Variants in FGF17 observed in about 807,000 individuals in gnomAD.
The protein encoded by FGF17 is fibroblast growth factor 17.
In FGF17, 5 loss-of-function variants were observed where a neutral mutation model predicts 23.5. The observed-to-expected ratio is 0.21, with a 90% confidence interval of 0.11 to 0.45. The LOEUF is 0.45. Among genes scored for constraint, FGF17 ranks in the 20% least tolerant of loss-of-function variants. FGF17 has a pLI of 0.99. For synonymous variants in FGF17, 136 were observed against 123.0 expected (o/e 1.11, Z -0.70); for missense variants, 221 against 306.9 (o/e 0.72, Z 2.09).
rs920799068 is a variant in FGF17 at position 22,048,259 on chromosome 8, C to T, written c.*10C>T. ...CCAGCCCCTCACGTAGTCTGGGAGG[C>T]AGGGGGCAGCAGCCCCTGGGCCGCC... On this transcript the variant is annotated 3_prime_UTR_variant, in exon 5 of 5. Coordinates refer to ENST00000359441, the MANE Select transcript of FGF17 (RefSeq NM_003867.4). This position sits in a 1 kb window ranked among gnomAD's most constrained non-coding sequence, Gnocchi z 6.9. 3 of 1,582,978 alleles carry T rather than the reference C, an allele frequency of 1.9e-6. No individual in the cohort carries two copies. The highest frequency in any genetic ancestry group is 1.3e-5 in the African/African-American group (1 of 74,340).
chr8:22,046,514 T>TC lies in FGF17; in HGVS notation c.251-8dup. The TC allele has an allele frequency of 1.9e-6, 3 of 1,603,904 alleles. No homozygotes were observed. Among genetic ancestry groups the TC allele is most frequent in the Non-Finnish European group, 2.6e-6 (3 of 1,172,548 alleles). On this transcript the variant is annotated splice_polypyrimidine_tract_variant and intron_variant, in intron 3 of 4. Coordinates refer to ENST00000359441, the MANE Select transcript of FGF17 (RefSeq NM_003867.4). Reference sequence around the variant, plus strand: ...CCGATGGACGGAGGTCTTTCTCCCCTCCCCCACCACAGCCAAGCTCATAGT... The same window carrying TC: ...CCGATGGACGGAGGTCTTTCTCCCCTCCCCCCACCACAGCCAAGCTCATAGT...
chr8:22,041,368 C>T (rs550380162), upstream of FGF17, among the ~76,000 whole-genome samples: 3 of 152,228 alleles, frequency 2.0e-5, no homozygotes, highest in South Asian at 2.1e-4. Context: ...GTGAGAGTTT[C>T]GCTCCCCTGG....
intron 2 of FGF17, chr8:22,045,432 C>T (rs894485628): frequency 1.2e-4 from 115 of 990,372 alleles, no homozygotes; most frequent in Non-Finnish European, 1.3e-4. Context: ...CCAGCTCCAG[C>T]CCATAGAGGA....
At chr8:22,044,002 G>A (rs890729654) in intron 2 of FGF17, among the ~76,000 whole-genome samples, 1 of 151,906 alleles carries the variant, frequency 6.6e-6, no homozygotes, top group Admixed American at 6.6e-5. Context: ...TGAAGCAGTG[G>A]GGGGGTGGGA....
upstream of FGF17, among the ~76,000 whole-genome samples, chr8:22,041,787 G>A (rs1195391261): frequency 1.3e-5 from 2 of 152,212 alleles, no homozygotes; most frequent in Non-Finnish European, 2.9e-5. Context: ...ACCTCCCAAT[G>A]TGCCTCAGTT....
chr8:22,045,672 A>G, intron 2 of FGF17: 1 of 1,071,650 alleles, frequency 9.3e-7, no homozygotes, highest in Non-Finnish European at 1.1e-6. Context: ...ATGAGGAAGG[A>G]ATCTGGTTGT....
At position 22,048,402 on chromosome 8, in the gene FGF17, G is replaced by A. The variant is rs1801010880; in HGVS notation, c.*153G>A. On this transcript the variant is annotated 3_prime_UTR_variant, in exon 5 of 5. Transcript: ENST00000359441. This position sits in a 1 kb window ranked among gnomAD's most constrained non-coding sequence, Gnocchi z 6.9. The stretch of plus-strand genomic sequence containing the variant: ...CATCCGAGCCCCCAGCTGGGAAGGG[G>A]CAGGCCGGTGCCCCAGGGGCGGCTG... The A allele has an allele frequency of 2.8e-6, 2 of 711,780 alleles. No individual in the cohort carries two copies. Among genetic ancestry groups the A allele is most frequent in the South Asian group, 3.8e-5 (2 of 52,426 alleles). The allele number at this position is 711,780 out of a possible 1,614,324, so 44.1% of individuals were successfully genotyped here.
At chr8:22,047,029 C>T (rs1800896568) in intron 4 of FGF17, among the ~76,000 whole-genome samples, 1 of 141,106 alleles carries the variant, frequency 7.1e-6, no homozygotes, top group African/African-American at 2.7e-5. Flanking sequence ...TAAAGCGATC[C>T]TCCCACCTCA....
At chr8:22,040,603 G>T (rs1264122299), upstream of FGF17, among the ~76,000 whole-genome samples, 1 of 152,270 alleles carries the variant, frequency 6.6e-6, no homozygotes, top group Non-Finnish European at 1.5e-5. Context: ...TGGCCTGAGG[G>T]CTGGGCCAGT....
chr8:22,045,311 A>AT, intron 2 of FGF17: 1 of 986,316 alleles, frequency 1.0e-6, no homozygotes, highest in Non-Finnish European at 1.2e-6. Context: ...AGGGGCAGCC[A>AT]TTGGGCCACC....
At chr8:22,044,191 C>T (rs943323987) in intron 2 of FGF17, among the ~76,000 whole-genome samples, 10 of 152,144 alleles carry the variant, frequency 6.6e-5, no homozygotes, top group East Asian at 1.9e-4. Flanking sequence ...GCTGGCCGGG[C>T]GTTTATGGCC....
At chr8:22,040,440 G>A (rs573205909), upstream of FGF17, among the ~76,000 whole-genome samples, 1 of 152,332 alleles carries the variant, frequency 6.6e-6, no homozygotes, top group South Asian at 2.1e-4. Context: ...CAAGTTAGAA[G>A]GCCAGGCCTG....
At chr8:22,041,322 T>C (rs1207291877), upstream of FGF17, among the ~76,000 whole-genome samples, 6 of 152,132 alleles carry the variant, frequency 3.9e-5, no homozygotes, top group African/African-American at 1.4e-4. Flanking sequence ...ACTTTGTGGA[T>C]TGATGGAGCT....
chr8:22,048,448 A>T lies in FGF17; in HGVS notation c.*199A>T. 1.7e-6 allele frequency: 1 copy of T among 599,364 alleles called. No homozygotes were observed. The highest frequency in any genetic ancestry group is 3.0e-6 in the Non-Finnish European group (1 of 338,810). The allele number at this position is 599,364 out of a possible 1,614,324, so 37.1% of individuals were successfully genotyped here. A position where few individuals can be genotyped will look rare whatever the true frequency, so the allele number is the denominator to read the frequency against. On this transcript the variant is annotated 3_prime_UTR_variant, in exon 5 of 5. Coordinates refer to ENST00000359441, the MANE Select transcript of FGF17 (RefSeq NM_003867.4). The surrounding 1 kb of genome is among the most constrained non-coding windows in gnomAD (Gnocchi z 6.9). Reference sequence around the variant, plus strand: ...GGCTGGCACAGTGCCCCCTTCCCGGACGGGTGGCAGGCCCTGGAGAGGAAC... The same window carrying T: ...GGCTGGCACAGTGCCCCCTTCCCGGTCGGGTGGCAGGCCCTGGAGAGGAAC...
At chr8:22,046,436 C>T in intron 3 of FGF17, 91 bp from the exon 4 acceptor site, 1 of 1,420,380 alleles carries the variant, frequency 7.0e-7, no homozygotes, top group Non-Finnish European at 9.8e-7. Flanking sequence ...TCGCCTGAGT[C>T]TGGAGGTCAG....
At chr8:22,041,310 C>G (rs1409133460), upstream of FGF17, among the ~76,000 whole-genome samples, 1 of 152,180 alleles carries the variant, frequency 6.6e-6, no homozygotes, top group African/African-American at 2.4e-5. Context: ...GGGTGGCAGA[C>G]CACTTTGTGG....
chr8:22,045,888 A>C, intron 2 of FGF17: 1 of 1,442,172 alleles, frequency 6.9e-7, no homozygotes, highest in South Asian at 1.4e-5. Context: ...AGTGTCCCCC[A>C]GCCTGGGCAG....
At chr8:22,041,280 T>C (rs376955644), upstream of FGF17, among the ~76,000 whole-genome samples, 3 of 152,170 alleles carry the variant, frequency 2.0e-5, no homozygotes, top group Admixed American at 6.5e-5. Context: ...CTGCCTGCAC[T>C]GGTCAGTGCA....
At chr8:22,040,039 C>A (rs886227903), upstream of FGF17, among the ~76,000 whole-genome samples, 1 of 152,126 alleles carries the variant, frequency 6.6e-6, no homozygotes, top group Non-Finnish European at 1.5e-5. Flanking sequence ...GAACCCCACC[C>A]CCCCAGCAAT....
Sources: allele counts gnomAD v4.1 joint callset (sites outside exome capture counted in the v4.1 genomes callset), GRCh38; gene constraint gnomAD v4.1.1; non-coding constraint Gnocchi (gnomAD v3.1); transcripts MANE v1.5; gene names NCBI Gene and HGNC (gene_info 2026-07-23, HGNC 2026-07-21).